Variants in ARHGAP25 observed in about 807,000 individuals in gnomAD.
ARHGAP25 encodes rho GTPase-activating protein 25.
In ARHGAP25, 34 loss-of-function variants were observed where a neutral mutation model predicts 71.0. The observed-to-expected ratio is 0.48, with a 90% confidence interval of 0.36 to 0.64. The LOEUF is 0.64. Ranked by LOEUF, ARHGAP25 falls within the 30% of genes least tolerant of loss-of-function variation. ARHGAP25 has a pLI of 0.00. For missense variants in ARHGAP25, 706 were observed against 805.1 expected, an observed-to-expected ratio of 0.88 and a Z score of 1.49; for synonymous variants, 282 against 296.5, an observed-to-expected ratio of 0.95 and a Z score of 0.50.
intron 4 of ARHGAP25, among the ~76,000 whole-genome samples, chr2:68,806,596 T>G (rs1281224111): frequency 6.6e-6 from 1 of 152,198 alleles, no homozygotes; most frequent in Non-Finnish European, 1.5e-5. Flanking sequence ...GTGGATACAC[T>G]GGACAAAGGG....
At chr2:68,761,251 T>A (rs1676798692) in intron 1 of ARHGAP25, among the ~76,000 whole-genome samples, 1 of 152,050 alleles carries the variant, frequency 6.6e-6, no homozygotes, top group African/African-American at 2.4e-5. Context: ...AATGGACCTA[T>A]GAACTAAATT....
chr2:68,782,136 C>T (rs971342909), intron 2 of ARHGAP25, 97 bp from the exon 3 acceptor site: 58 of 1,097,534 alleles, frequency 5.3e-5, no homozygotes, highest in East Asian at 9.6e-5. Flanking sequence ...CTCCTACTCT[C>T]CTCCCCATCC....
At chr2:68,727,166 G>A (rs1433889831) in intron 2 of ARHGAP25, among the ~76,000 whole-genome samples, 3 of 152,152 alleles carry the variant, frequency 2.0e-5, no homozygotes, top group Admixed American at 6.5e-5. Flanking sequence ...GTTACTGGTT[G>A]AGTGCGTCTG....
intron 1 of ARHGAP25, among the ~76,000 whole-genome samples, chr2:68,747,043 T>C (rs924783486): frequency 3.3e-5 from 5 of 149,638 alleles, no homozygotes; most frequent in Admixed American, 1.3e-4. Flanking sequence ...GGTGTCCCCA[T>C]GTATCTTCTT....
intron 1 of ARHGAP25, among the ~76,000 whole-genome samples, chr2:68,755,248 C>A (rs1019971729): frequency 3.3e-5 from 5 of 152,134 alleles, no homozygotes; most frequent in African/African-American, 1.2e-4. Flanking sequence ...CACCCACACA[C>A]TTAAGCATTA....
intron 1 of ARHGAP25, among the ~76,000 whole-genome samples, chr2:68,764,568 T>C (rs181939031): frequency 1.3e-5 from 2 of 152,310 alleles, no homozygotes; most frequent in Admixed American, 6.5e-5. Flanking sequence ...TATCGTGACC[T>C]GGTTGAGGAG....
chr2:68,824,168 T>C (rs1312714537), intron 10 of ARHGAP25, among the ~76,000 whole-genome samples: 1 of 152,230 alleles, frequency 6.6e-6, no homozygotes, highest in Non-Finnish European at 1.5e-5. Context: ...TTCTGTGACA[T>C]CTTGGCAGTG....
intron 1 of ARHGAP25, 61 bp downstream of exon 1, chr2:68,735,321 A>G (rs1181527403): frequency 7.2e-6 from 11 of 1,523,564 alleles, no homozygotes; most frequent in Non-Finnish European, 4.6e-6. Context: ...CACCATTTGC[A>G]TGTTGGTCTG....
At chr2:68,788,638 C>T (rs1282382297) in intron 4 of ARHGAP25, among the ~76,000 whole-genome samples, 1 of 152,134 alleles carries the variant, frequency 6.6e-6, no homozygotes, top group East Asian at 1.9e-4. Context: ...CTGAAATTAA[C>T]AAACACGTGA....
intron 2 of ARHGAP25, among the ~76,000 whole-genome samples, chr2:68,721,771 G>T (rs889639547): frequency 6.6e-6 from 1 of 152,208 alleles, no homozygotes; most frequent in African/African-American, 2.4e-5. Flanking sequence ...CTGTTGTATT[G>T]GATTTCCTCT....
intron 2 of ARHGAP25, among the ~76,000 whole-genome samples, chr2:68,711,662 C>G (rs1288593627): frequency 1.3e-5 from 2 of 150,844 alleles, no homozygotes; most frequent in Non-Finnish European, 1.5e-5. Flanking sequence ...AATGCTATCC[C>G]TCCCCCAGCC....
intron 1 of ARHGAP25, among the ~76,000 whole-genome samples, chr2:68,746,710 T>A (rs13010123): frequency 1.4e-4 from 20 of 147,236 alleles, no homozygotes; most frequent in Non-Finnish European, 2.3e-4. Flanking sequence ...ACCACCCCCC[T>A]CCCCATCCCC....
chr2:68,763,862 T>C (rs1443901749), intron 1 of ARHGAP25, among the ~76,000 whole-genome samples: 1 of 152,230 alleles, frequency 6.6e-6, no homozygotes, highest in Non-Finnish European at 1.5e-5. Context: ...GTTTCTAATC[T>C]TTCTTTTAAA....
Position 68,822,389 on chromosome 2 carries a change from C to A in ARHGAP25, c.1250C>A (p.Ala417Glu). 1.2e-6 allele frequency: 2 copies of A among 1,614,128 alleles called. No homozygotes were observed. The highest frequency in any genetic ancestry group is 1.7e-6 in the Non-Finnish European group (2 of 1,180,008). ...CCCACCGGACAGCAGCCGAGCGATG[C>A]GTTTCCGGAGGACAGCAGCAAAGTA... ...TSPTGQQPSD[A>E]FPEDSSKVPR... Residue 417 changes from alanine (A) to glutamate (E), a missense_variant, in exon 10 of 11, where the codon GCG (alanine) becomes GAG (glutamate). Coordinates refer to ENST00000409202, the MANE Select transcript of ARHGAP25 (RefSeq NM_001007231.3).
chr2:68,824,748 A>C (rs1681987753), intron 10 of ARHGAP25, among the ~76,000 whole-genome samples: 1 of 152,112 alleles, frequency 6.6e-6, no homozygotes, highest in Non-Finnish European at 1.5e-5. Flanking sequence ...TCTCAAAAAA[A>C]ACAAAAGGAA....
intron 5 of ARHGAP25, among the ~76,000 whole-genome samples, chr2:68,808,393 T>G (rs556027777): frequency 6.6e-6 from 1 of 152,318 alleles, no homozygotes; most frequent in Middle Eastern, 3.4e-3. Context: ...TGTCATCTTG[T>G]GTAGAAGCTC....
At chr2:68,726,394 C>T (rs949368036) in intron 2 of ARHGAP25, among the ~76,000 whole-genome samples, 10 of 152,302 alleles carry the variant, frequency 6.6e-5, no homozygotes, top group Middle Eastern at 3.4e-3. Flanking sequence ...GGAGGTGTTA[C>T]GTGAGGGACA....
At chr2:68,725,810 G>A (rs1311313239) in intron 2 of ARHGAP25, among the ~76,000 whole-genome samples, 3 of 152,004 alleles carry the variant, frequency 2.0e-5, no homozygotes, top group Non-Finnish European at 4.4e-5. Flanking sequence ...ACCTCCTTGG[G>A]GTCTCTTGAA....
intron 3 of ARHGAP25, among the ~76,000 whole-genome samples, chr2:68,785,177 G>A (rs998916085): frequency 2.6e-5 from 4 of 152,212 alleles, no homozygotes; most frequent in African/African-American, 9.6e-5. Context: ...TGCAGGCAAT[G>A]TGAGAACTTT....
Sources: allele counts gnomAD v4.1 joint callset (sites outside exome capture counted in the v4.1 genomes callset), GRCh38; gene constraint gnomAD v4.1.1; transcripts MANE v1.5; gene names NCBI Gene and HGNC (gene_info 2026-07-23, HGNC 2026-07-21).